RCAN2: variants seen among roughly 807,000 people sequenced by gnomAD.
RCAN2 encodes regulator of calcineurin 2.
Under a neutral mutation model 23.6 loss-of-function variants are expected in RCAN2, and 9 were observed. The observed-to-expected ratio is 0.38, with a 90% CI of 0.23 to 0.67. The LOEUF (loss-of-function observed/expected upper bound fraction) is 0.67, where lower values mean the gene tolerates loss of function less well. Among genes scored for constraint, RCAN2 ranks in the 30% least tolerant of loss-of-function variants. The probability of loss-of-function intolerance (pLI) is 0.51; values close to 1 mark genes in which losing one functional copy is unlikely to be tolerated. For synonymous variants in RCAN2, 109 were observed against 115.7 expected, an observed-to-expected ratio of 0.94 and a Z score of 0.37; for missense variants, 273 against 302.3, an observed-to-expected ratio of 0.90 and a Z score of 0.72.
At chr6:46,457,614 C>CT (rs1266463150) in intron 1 of RCAN2, among the ~76,000 whole-genome samples, 1 of 152,154 alleles carries the variant, frequency 6.6e-6, no homozygotes, top group Non-Finnish European at 1.5e-5. Context: ...CATGATAACT[C>CT]TAACAGGTAA....
intron 4 of RCAN2, among the ~76,000 whole-genome samples, chr6:46,226,777 T>G (rs574319171): frequency 6.6e-6 from 1 of 152,306 alleles, no homozygotes; most frequent in Non-Finnish European, 1.5e-5. Context: ...TACCCTTTAT[T>G]TCTTTCTCCT....
intron 2 of RCAN2, among the ~76,000 whole-genome samples, chr6:46,291,858 CA>C (rs1762571126): frequency 6.6e-6 from 1 of 152,168 alleles, no homozygotes; most frequent in Non-Finnish European, 1.5e-5. Flanking sequence ...TTTCTTGATC[CA>C]TAGGGAAAGT....
chr6:46,476,548 G>A (rs1035180617), intron 1 of RCAN2, among the ~76,000 whole-genome samples: 1 of 152,174 alleles, frequency 6.6e-6, no homozygotes, highest in African/African-American at 2.4e-5. Flanking sequence ...GAAGGTGGAA[G>A]TTTCTTTGTA....
In RCAN2 at chr6:46,221,859, C is replaced by T. The variant is rs1027570756; in HGVS notation, c.*1282G>A. On this transcript the variant is annotated 3_prime_UTR_variant, in exon 5 of 5. Transcript: ENST00000371374. ...GAAGGTAATGGTTCTATAGGTGTAT[C>T]TTCTGTAATGCACTTTGGGCTAGAG... 4 of 398,228 alleles carry T rather than the reference C, an allele frequency of 1.0e-5. No homozygotes were observed. Among genetic ancestry groups the T allele is most frequent in the African/African-American group, 8.2e-5 (4 of 48,610 alleles). 24.7% of individuals were successfully genotyped at this position (398,228 alleles called of 1,614,324 possible).
At chr6:46,237,870 C>T (rs1020179471) in intron 4 of RCAN2, among the ~76,000 whole-genome samples, 3 of 152,166 alleles carry the variant, frequency 2.0e-5, no homozygotes, top group African/African-American at 7.2e-5. Flanking sequence ...AGAACCAGGA[C>T]CCACAGTCTA....
chr6:46,348,714 C>T (rs562216155), intron 2 of RCAN2, among the ~76,000 whole-genome samples: 14 of 152,262 alleles, frequency 9.2e-5, no homozygotes, highest in East Asian at 5.8e-4. Flanking sequence ...AATGGTACCT[C>T]GGCATGTTAT....
At chr6:46,440,802 G>C (rs549421297) in intron 2 of RCAN2, among the ~76,000 whole-genome samples, 52 of 152,182 alleles carry the variant, frequency 3.4e-4, no homozygotes, top group Admixed American at 4.6e-4. Flanking sequence ...AGTCTTCCTG[G>C]AACTAGTTCT....
chr6:46,229,830 T>C (rs1300252293), intron 4 of RCAN2, among the ~76,000 whole-genome samples: 1 of 152,222 alleles, frequency 6.6e-6, no homozygotes, highest in Non-Finnish European at 1.5e-5. Context: ...AGGAGCTGCG[T>C]TCCTTTGGAG....
intron 2 of RCAN2, among the ~76,000 whole-genome samples, chr6:46,354,895 ATATGTGTGTG>A (rs1397876373): frequency 1.0e-4 from 14 of 136,306 alleles, no homozygotes; most frequent in African/African-American, 3.0e-4. Context: ...AAAAGATTAT[ATATGTGTGTG>A]TGTGTGTGTG....
chr6:46,227,092 T>C (rs1765697604), intron 4 of RCAN2, among the ~76,000 whole-genome samples: 1 of 152,236 alleles, frequency 6.6e-6, no homozygotes, highest in African/African-American at 2.4e-5. Flanking sequence ...ATTATGTTTA[T>C]TGATTTGCAC....
intron 4 of RCAN2, among the ~76,000 whole-genome samples, chr6:46,230,317 G>A (rs1017465767): frequency 6.6e-6 from 1 of 152,204 alleles, no homozygotes; most frequent in Non-Finnish European, 1.5e-5. Context: ...AGACAGGGAT[G>A]TGCAAGTCTG....
intron 4 of RCAN2, among the ~76,000 whole-genome samples, chr6:46,223,900 G>A (rs9395167): frequency 0.16 from 25,068 of 152,190 alleles, 2,259 homozygotes; most frequent in Middle Eastern, 0.3. Flanking sequence ...TCAAATGGCT[G>A]TTAGCTGACT....
intron 2 of RCAN2, among the ~76,000 whole-genome samples, chr6:46,344,524 C>G (rs953158503): frequency 4.6e-5 from 7 of 151,808 alleles, no homozygotes; most frequent in African/African-American, 2.4e-5. Context: ...AAGTTTACAG[C>G]ATATGTAGAA....
chr6:46,395,576 AT>A (rs961557706), intron 2 of RCAN2, among the ~76,000 whole-genome samples: 1 of 152,234 alleles, frequency 6.6e-6, no homozygotes, highest in African/African-American at 2.4e-5. Context: ...AATATGTCAG[AT>A]TGTTTCAGTA....
chr6:46,245,986 T>C (rs889450757), intron 4 of RCAN2, among the ~76,000 whole-genome samples: 1 of 152,212 alleles, frequency 6.6e-6, no homozygotes, highest in Non-Finnish European at 1.5e-5. Flanking sequence ...GGTGTCATCA[T>C]CTGCTGAAAT....
chr6:46,291,967 C>T (rs1372289988), intron 2 of RCAN2, among the ~76,000 whole-genome samples: 1 of 152,200 alleles, frequency 6.6e-6, no homozygotes, highest in Admixed American at 6.5e-5. Flanking sequence ...CGGCAACCAG[C>T]ACAAGTAGCT....
intron 2 of RCAN2, among the ~76,000 whole-genome samples, chr6:46,287,242 C>T (rs981482340): frequency 3.3e-5 from 5 of 152,146 alleles, no homozygotes; most frequent in Non-Finnish European, 7.3e-5. Flanking sequence ...GGTGGCAGGG[C>T]TGAGTGACCA....
At chr6:46,409,674 T>G (rs1271733446) in intron 2 of RCAN2, among the ~76,000 whole-genome samples, 1 of 152,226 alleles carries the variant, frequency 6.6e-6, no homozygotes, top group Non-Finnish European at 1.5e-5. Context: ...CCAGGAACTA[T>G]GCCAACATTT....
intron 2 of RCAN2, among the ~76,000 whole-genome samples, chr6:46,447,278 G>T (rs1003938866): frequency 1.3e-5 from 2 of 151,744 alleles, no homozygotes; most frequent in African/African-American, 2.4e-5. Flanking sequence ...TGATAATAAC[G>T]GTTGTAAATA....
Sources: gnomAD v4.1 joint callset for allele counts (sites outside exome capture counted in the v4.1 genomes callset) on GRCh38, gnomAD v4.1.1 for gene constraint, MANE v1.5 for transcripts, NCBI Gene and HGNC (gene_info 2026-07-23, HGNC 2026-07-21) for gene names.